The following PRELID2 variants were observed in gnomAD, a reference collection of about 807,000 sequenced individuals.
PRELID2 encodes PRELI domain containing 2, also known as PRELI domain-containing protein 2.
A neutral mutation model predicts 28.4 loss-of-function variants in PRELID2; 25 were observed. That is an observed-to-expected ratio of 0.88 (90% confidence interval 0.64 to 1.23). PRELID2 has a LOEUF of 1.23. Among genes scored for constraint, PRELID2 ranks in the 50% most tolerant of loss-of-function variants. The pLI is 0.00. For missense variants in PRELID2, 201 were observed against 214.4 expected (o/e 0.94, Z 0.39); for synonymous variants, 76 against 71.6 (o/e 1.06, Z -0.31).
intron 1 of PRELID2, among the ~76,000 whole-genome samples, chr5:145,823,377 G>A (rs1364668090): frequency 6.6e-6 from 1 of 152,196 alleles, no homozygotes; most frequent in Non-Finnish European, 1.5e-5. Context: ...CCCTGAGGGG[G>A]ATGAGGTTAA....
At chr5:145,715,216 A>G (rs916135799) in intron 1 of PRELID2, among the ~76,000 whole-genome samples, 2 of 152,138 alleles carry the variant, frequency 1.3e-5, no homozygotes, top group Non-Finnish European at 2.9e-5. Context: ...TTCAGTATAA[A>G]TAGCATCTCC....
chr5:145,655,287 A>G (rs911113934), intron 1 of PRELID2, among the ~76,000 whole-genome samples: 5 of 152,236 alleles, frequency 3.3e-5, no homozygotes, highest in African/African-American at 7.2e-5. Flanking sequence ...ATGCTCATGG[A>G]TAGGAAGAAT....
chr5:145,294,555 T>C, the PRELID2 span, among the ~76,000 whole-genome samples: 1 of 152,172 alleles, frequency 6.6e-6, no homozygotes, highest in African/African-American at 2.4e-5. Flanking sequence ...TTCACAACAA[T>C]AAGGGCTGTG....
At chr5:145,571,840 G>A (rs556837543) in intron 1 of PRELID2, among the ~76,000 whole-genome samples, 32 of 152,076 alleles carry the variant, frequency 2.1e-4, no homozygotes, top group African/African-American at 7.5e-4. Flanking sequence ...AATTAGCCAC[G>A]CTTGGTGGCA....
the PRELID2 span, among the ~76,000 whole-genome samples, chr5:145,428,455 A>C: frequency 6.6e-6 from 1 of 152,198 alleles, no homozygotes; most frequent in Non-Finnish European, 1.5e-5. Flanking sequence ...GCCTGCCTGA[A>C]ATTAATGTTC....
downstream of PRELID2, among the ~76,000 whole-genome samples, chr5:145,752,439 A>C (rs1228001458): frequency 6.6e-6 from 1 of 152,200 alleles, no homozygotes; most frequent in Non-Finnish European, 1.5e-5. Context: ...CAAGATTTTT[A>C]AGGTCTTTAT....
chr5:145,741,581 A>AATTT (rs370500673), intron 1 of PRELID2, among the ~76,000 whole-genome samples: 638 of 8,050 alleles, frequency 0.079, 167 homozygotes, highest in East Asian at 0.62. Flanking sequence ...ATTTATAAAT[A>AATTT]ATTTATATAT....
the PRELID2 span, among the ~76,000 whole-genome samples, chr5:145,247,319 C>T: frequency 6.6e-6 from 1 of 152,170 alleles, no homozygotes; most frequent in East Asian, 1.9e-4. Context: ...AATAATAAAA[C>T]TCCGGTCTCC....
chr5:145,451,533 C>A, the PRELID2 span, among the ~76,000 whole-genome samples: 1 of 152,222 alleles, frequency 6.6e-6, no homozygotes, highest in South Asian at 2.1e-4. Flanking sequence ...GAGATCGCGC[C>A]CTACCTCTCC....
At chr5:145,253,971 G>A in the PRELID2 span, among the ~76,000 whole-genome samples, 27 of 152,128 alleles carry the variant, frequency 1.8e-4, no homozygotes, top group South Asian at 1.7e-3. Flanking sequence ...GATAATAATA[G>A]GAGGTATCTC....
chr5:145,402,719 G>A, the PRELID2 span, among the ~76,000 whole-genome samples: 1 of 152,170 alleles, frequency 6.6e-6, no homozygotes, highest in Non-Finnish European at 1.5e-5. Context: ...CATTTAATGG[G>A]TTTAGCATAG....
chr5:145,329,040 C>G, the PRELID2 span, among the ~76,000 whole-genome samples: 1 of 152,248 alleles, frequency 6.6e-6, no homozygotes, highest in Admixed American at 6.5e-5. Flanking sequence ...GGAATCCTTT[C>G]CCCATTGCTT....
chr5:145,429,603 G>T, the PRELID2 span, among the ~76,000 whole-genome samples: 5 of 152,332 alleles, frequency 3.3e-5, no homozygotes, highest in African/African-American at 1.2e-4. Flanking sequence ...TGTAGACAGG[G>T]AAGTGCGGAA....
chr5:145,754,977 G>A (rs1365767493), downstream of PRELID2, among the ~76,000 whole-genome samples: 1 of 152,172 alleles, frequency 6.6e-6, no homozygotes, highest in Non-Finnish European at 1.5e-5. Flanking sequence ...CTCAATAAGT[G>A]TAAAAATCAT....
chr5:145,285,265 T>C, the PRELID2 span, among the ~76,000 whole-genome samples: 1 of 152,102 alleles, frequency 6.6e-6, no homozygotes, highest in Non-Finnish European at 1.5e-5. Context: ...GGGAGCTAAA[T>C]TGGGACTATA....
At chr5:145,463,546 C>A in the PRELID2 span, among the ~76,000 whole-genome samples, 1 of 152,098 alleles carries the variant, frequency 6.6e-6, no homozygotes, top group Non-Finnish European at 1.5e-5. Context: ...TATACCTAAT[C>A]ATATTATGAC....
At chr5:145,260,225 T>C in the PRELID2 span, among the ~76,000 whole-genome samples, 1 of 152,206 alleles carries the variant, frequency 6.6e-6, no homozygotes, top group Non-Finnish European at 1.5e-5. Context: ...TAAACCTCTT[T>C]TCTTTATAAA....
chr5:145,377,001 C>G, the PRELID2 span, among the ~76,000 whole-genome samples: 1 of 152,034 alleles, frequency 6.6e-6, no homozygotes, highest in African/African-American at 2.4e-5. Context: ...TGAGATCTTT[C>G]TAACTTTTGA....
At chr5:145,278,993 C>T in the PRELID2 span, among the ~76,000 whole-genome samples, 3 of 152,222 alleles carry the variant, frequency 2.0e-5, no homozygotes, top group South Asian at 4.1e-4. Flanking sequence ...CAGTGTAACA[C>T]GGTAGGCAGT....
Sources: gnomAD v4.1 joint callset for allele counts (sites outside exome capture counted in the v4.1 genomes callset) on GRCh38, gnomAD v4.1.1 for gene constraint, MANE v1.5 for transcripts, NCBI Gene and HGNC (gene_info 2026-07-23, HGNC 2026-07-21) for gene names.